Variants in OR51B5 observed in about 807,000 individuals in gnomAD.
OR51B5 encodes the protein olfactory receptor 51B5.
For missense variants in OR51B5, 456 were observed against 374.6 expected (o/e 1.22, Z -1.79); for synonymous variants, 186 against 144.8 (o/e 1.28, Z -2.04).
At chr11:5,454,441 C>A in intron 1 of OR51B5, 1 of 1,585,344 alleles carries the variant, frequency 6.3e-7, no homozygotes, top group Non-Finnish European at 8.6e-7. Context: ...TCACACTTGG[C>A]TTTAGAATCT....
intron 1 of OR51B5, among the ~76,000 whole-genome samples, chr11:5,440,198 G>A (rs1216716609): frequency 1.3e-5 from 2 of 152,038 alleles, no homozygotes; most frequent in Non-Finnish European, 2.9e-5. Context: ...CCTTCACTCT[G>A]GGCAGGAGCA....
chr11:5,457,049 A>C (rs1210058400), intron 1 of OR51B5, among the ~76,000 whole-genome samples: 1 of 152,132 alleles, frequency 6.6e-6, no homozygotes, highest in East Asian at 1.9e-4. Flanking sequence ...AGCCTGCAGA[A>C]CCATTATTTC....
At chr11:5,382,178 G>T (rs1282991736) in intron 1 of OR51B5, among the ~76,000 whole-genome samples, 1 of 152,098 alleles carries the variant, frequency 6.6e-6, no homozygotes, top group Non-Finnish European at 1.5e-5. Context: ...TTATTCCAAG[G>T]TATTAACTCT....
intron 1 of OR51B5, among the ~76,000 whole-genome samples, chr11:5,502,731 T>C (rs1289569498): frequency 1.3e-5 from 2 of 152,188 alleles, no homozygotes; most frequent in Non-Finnish European, 2.9e-5. Flanking sequence ...CCTGTAAAAA[T>C]AGGTGTAATT....
chr11:5,407,453 T>C (rs889486496), intron 1 of OR51B5, among the ~76,000 whole-genome samples: 1 of 152,182 alleles, frequency 6.6e-6, no homozygotes, highest in Non-Finnish European at 1.5e-5. Flanking sequence ...TGTAATCAGT[T>C]GGGCTCTATA....
chr11:5,424,957 G>A (rs1375002971), intron 1 of OR51B5, among the ~76,000 whole-genome samples: 2 of 95,042 alleles, frequency 2.1e-5, no homozygotes, highest in East Asian at 4.4e-4. Flanking sequence ...ACTCCAGCCT[G>A]GGCGACAGAG....
intron 1 of OR51B5, among the ~76,000 whole-genome samples, chr11:5,370,626 A>C (rs755051400): frequency 5.9e-5 from 9 of 152,174 alleles, no homozygotes; most frequent in Non-Finnish European, 1.3e-4. Context: ...GTCATTGTTT[A>C]GTTGTTTGTT....
intron 1 of OR51B5, among the ~76,000 whole-genome samples, chr11:5,471,846 A>T (rs532582586): frequency 6.6e-6 from 1 of 152,096 alleles, no homozygotes; most frequent in Non-Finnish European, 1.5e-5. Flanking sequence ...TCTCTAGAAT[A>T]GAAAGAGTAA....
At chr11:5,418,319 T>C (rs981553215) in intron 1 of OR51B5, among the ~76,000 whole-genome samples, 1 of 152,016 alleles carries the variant, frequency 6.6e-6, no homozygotes, top group Non-Finnish European at 1.5e-5. Context: ...GACGAGTTAG[T>C]GGGTGCAGCG....
chr11:5,480,079 T>C lies in OR51B5; in HGVS notation n.84+25490A>G, dbSNP rs535106756. ...TATACATTTTTTTCAGCACCACACC[T>C]ATTCCAAAATTGACCACGTACTTGG... is the stretch of plus-strand genomic sequence containing the variant. On this transcript the variant is annotated intron_variant and non_coding_transcript_variant, in intron 1 of 4. Transcript: ENST00000415970. 7.2e-3 allele frequency among the ~76,000 whole-genome samples: 1,093 copies of C among 152,128 alleles called. 15 individuals carry two copies. Among genetic ancestry groups the C allele is most frequent in the African/African-American group, 0.025 (1,036 of 41,472 alleles).
chr11:5,486,096 G>A (rs947597405), intron 1 of OR51B5, among the ~76,000 whole-genome samples: 3 of 151,324 alleles, frequency 2.0e-5, no homozygotes, highest in Non-Finnish European at 4.4e-5. Flanking sequence ...CCAACATCGC[G>A]ATATCAGACT....
chr11:5,343,134 T>G, exon 1 of OR51B5: 1 of 1,613,260 alleles, frequency 6.2e-7, no homozygotes, highest in Non-Finnish European at 8.5e-7. Flanking sequence ...AGTACAGAGG[T>G]ATATCTAAGA....
chr11:5,409,885 C>T (rs529730781), intron 1 of OR51B5, among the ~76,000 whole-genome samples: 1 of 146,790 alleles, frequency 6.8e-6, no homozygotes, highest in East Asian at 2.0e-4. Context: ...AAGAGAAATA[C>T]ACTGAAGTCA....
chr11:5,403,099 C>T (rs1258681220), intron 1 of OR51B5: 5 of 471,458 alleles, frequency 1.1e-5, no homozygotes, highest in African/African-American at 6.0e-5. Flanking sequence ...TCTCTTATGG[C>T]GTCTGCCCTT....
chr11:5,358,575 C>T (rs561879747), intron 1 of OR51B5, among the ~76,000 whole-genome samples: 2 of 152,310 alleles, frequency 1.3e-5, no homozygotes, highest in South Asian at 2.1e-4. Context: ...CAAGGAGGAG[C>T]TGGTACCATT....
chr11:5,426,695 A>G (rs1228427300), intron 1 of OR51B5, among the ~76,000 whole-genome samples: 1 of 152,160 alleles, frequency 6.6e-6, no homozygotes, highest in Non-Finnish European at 1.5e-5. Context: ...AATTAAACAA[A>G]ACTGAAAGTC....
intron 1 of OR51B5, among the ~76,000 whole-genome samples, chr11:5,434,513 G>A (rs1850568377): frequency 6.6e-6 from 1 of 152,096 alleles, no homozygotes; most frequent in African/African-American, 2.4e-5. Flanking sequence ...GGGCTTGGCA[G>A]GACTCTTTTG....
intron 1 of OR51B5, among the ~76,000 whole-genome samples, chr11:5,400,902 G>A (rs1339580429): frequency 6.6e-6 from 1 of 152,228 alleles, no homozygotes; most frequent in Non-Finnish European, 1.5e-5. Flanking sequence ...AGCAGTGGCT[G>A]AATGGAAAGT....
chr11:5,420,827 TTC>T (rs1564807754), intron 1 of OR51B5, among the ~76,000 whole-genome samples: 1 of 152,210 alleles, frequency 6.6e-6, no homozygotes. Flanking sequence ...CAGTTTTGAT[TTC>T]TGTCTTCATT....
Sources: allele counts gnomAD v4.1 joint callset (sites outside exome capture counted in the v4.1 genomes callset), GRCh38; gene constraint gnomAD v4.1.1; transcripts MANE v1.5; gene names NCBI Gene and HGNC (gene_info 2026-07-23, HGNC 2026-07-21).